Variants in ABCA13 observed in about 807,000 individuals in gnomAD.
ABCA13 encodes the protein ATP binding cassette subfamily A member 13.
ABCA13 carries 476 observed loss-of-function variants against 478.7 expected under a neutral mutation model. The ratio of observed to expected loss-of-function variants is 0.99; its 90% CI spans 0.92 to 1.07. ABCA13 has a LOEUF of 1.07. ABCA13 is among the 50% of genes least tolerant of loss of function. The probability of loss-of-function intolerance (pLI) is 0.00; values close to 1 mark genes in which losing one functional copy is unlikely to be tolerated. For missense variants in ABCA13, 6,060 were observed against 5,910.6 expected (o/e 1.03, Z -0.83); for synonymous variants, 2,252 against 2,158.9 (o/e 1.04, Z -1.20).
intron 55 of ABCA13, among the ~76,000 whole-genome samples, chr7:48,575,366 A>G (rs1788063790): frequency 6.6e-6 from 1 of 152,166 alleles, no homozygotes; most frequent in African/African-American, 2.4e-5. Context: ...TTATGACATA[A>G]GTGTGGAAAC....
chr7:48,377,630 C>T (rs1813710445), intron 35 of ABCA13, among the ~76,000 whole-genome samples: 2 of 152,046 alleles, frequency 1.3e-5, no homozygotes, highest in South Asian at 4.1e-4. Context: ...ATATATGGCC[C>T]TCAAGAGGTA....
At chr7:48,482,379 T>G (rs548815357) in intron 46 of ABCA13, among the ~76,000 whole-genome samples, 7 of 136,322 alleles carry the variant, frequency 5.1e-5, no homozygotes, top group Admixed American at 4.5e-4. Flanking sequence ...TGACCACTAT[T>G]AAGAAATTTT....
intron 58 of ABCA13, among the ~76,000 whole-genome samples, chr7:48,609,999 A>ATATCTTG (rs2131537194): frequency 6.6e-6 from 1 of 152,228 alleles, no homozygotes; most frequent in Admixed American, 6.5e-5. Flanking sequence ...CCCATATCTC[A>ATATCTTG]TGTTTTTCTC....
chr7:48,645,826 T>G lies in ABCA13; in HGVS notation c.*314T>G. On this transcript the variant is annotated 3_prime_UTR_variant, in exon 62 of 62. Coordinates refer to ENST00000435803, the MANE Select transcript of ABCA13 (RefSeq NM_152701.5). ...TGTCCAAACTGAGACATTCTGGAGCTGGAAAGCCTGTCACACTAGAGTGTG... is the reference window on the plus strand; with the variant it reads ...TGTCCAAACTGAGACATTCTGGAGCGGGAAAGCCTGTCACACTAGAGTGTG... 1 of 300,342 alleles carries G rather than the reference T, an allele frequency of 3.3e-6. No individual in the cohort carries two copies. The highest frequency in any genetic ancestry group is 6.2e-6 in the Non-Finnish European group (1 of 160,294). The allele number at this position is 300,342 out of a possible 1,614,324, so 18.6% of individuals were successfully genotyped here. A position where few individuals can be genotyped will look rare whatever the true frequency, so the allele number is the denominator to read the frequency against.
chr7:48,558,643 A>AT (rs113255083), intron 55 of ABCA13, among the ~76,000 whole-genome samples: 21,064 of 151,944 alleles, frequency 0.14, 1,826 homozygotes, highest in African/African-American at 0.23. Context: ...GATTCTTTTG[A>AT]TTTTTTCAAT....
intron 4 of ABCA13, among the ~76,000 whole-genome samples, chr7:48,220,280 G>A (rs1236843756): frequency 1.3e-5 from 2 of 152,032 alleles, no homozygotes; most frequent in East Asian, 1.9e-4. Context: ...TAATAAATGG[G>A]GGCATTCAGT....
In ABCA13 at chr7:48,297,232, G is replaced by A; in HGVS notation, c.9120G>A (p.Met3040Ile). 2 of 1,601,116 alleles carry A rather than the reference G, an allele frequency of 1.2e-6. No individual in the cohort carries two copies. The highest frequency in any genetic ancestry group is 2.3e-5 in the South Asian group (2 of 87,914). The change falls in exon 22 of 62, where the codon ATG (methionine) becomes ATA (isoleucine). Residue 3040 changes from methionine (M) to isoleucine (I), a missense_variant and splice_region_variant. Physicochemically the swap from Met to Ile is conservative, Grantham distance 10. Coordinates refer to ENST00000435803, the MANE Select transcript of ABCA13 (RefSeq NM_152701.5). ...RLETVQQHLY[M>I]LAKSLEETWS... ...TAGCTTTAATTTTCTGCCATTTTAGGTTGGCCAAAAGCCTCGAGGAAACTT... is the reference window on the plus strand; with the variant it reads ...TAGCTTTAATTTTCTGCCATTTTAGATTGGCCAAAAGCCTCGAGGAAACTT...
chr7:48,235,987 T>C (rs1789894214), intron 8 of ABCA13, among the ~76,000 whole-genome samples: 1 of 152,168 alleles, frequency 6.6e-6, no homozygotes, highest in Admixed American at 6.5e-5. Flanking sequence ...TTAAGTTTGG[T>C]TATGTTTTGA....
intron 1 of ABCA13, among the ~76,000 whole-genome samples, chr7:48,187,126 G>T (rs1029151791): frequency 6.7e-6 from 1 of 149,158 alleles, no homozygotes; most frequent in Non-Finnish European, 1.5e-5. Context: ...TTGTTTAAAG[G>T]CCATTTAGCT....
At chr7:48,262,046 C>CTGTG (rs1794255630) in intron 15 of ABCA13, among the ~76,000 whole-genome samples, 1 of 151,854 alleles carries the variant, frequency 6.6e-6, no homozygotes, top group African/African-American at 2.4e-5. Context: ...CTTGAAATAC[C>CTGTG]TGCTAACAAC....
Position 48,615,362 on chromosome 7 carries a change from A to G in ABCA13, c.14822A>G (p.Gln4941Arg). The change falls in exon 59 of 62, where the codon CAG becomes CGG. Residue 4941 changes from glutamine to arginine, a missense_variant. Coordinates refer to ENST00000435803, the MANE Select transcript of ABCA13 (RefSeq NM_152701.5). ...NGSFKCLGSP[Q>R]HIKNRFGDGY... ...AGCTTCAAATGTCTTGGTTCTCCTC[A>G]GCACATCAAAAATAGGTGCGTTGAA... 1 of 1,568,466 alleles carries G rather than the reference A, an allele frequency of 6.4e-7. No individual in the cohort carries two copies. Among genetic ancestry groups the G allele is most frequent in the Non-Finnish European group, 8.7e-7 (1 of 1,155,220 alleles).
intron 35 of ABCA13, among the ~76,000 whole-genome samples, chr7:48,385,817 A>G (rs542898889): frequency 1.3e-5 from 2 of 152,286 alleles, no homozygotes; most frequent in South Asian, 2.1e-4. Flanking sequence ...CCTCACCAGC[A>G]TCTGTTATTT....
rs777139914 is a variant in ABCA13 at position 48,366,158 on chromosome 7, A to AT, written c.10689-1636_10689-1635insT. Among the ~76,000 whole-genome samples the AT allele has an allele frequency of 9.9e-5, 15 of 152,188 alleles. No individual in the cohort carries two copies. In the South Asian group the frequency reaches 2.3e-3, roughly 23 times the overall value. The stretch of plus-strand genomic sequence containing the variant: ...ATTTTATTTATTTCTGCTCTAATAT[A>AT]AAGTCTTTCATCAAAGAAAAGCCCA... On this transcript the variant is annotated intron_variant, in intron 31 of 61. Coordinates refer to ENST00000435803, the MANE Select transcript of ABCA13 (RefSeq NM_152701.5).
intron 48 of ABCA13, among the ~76,000 whole-genome samples, chr7:48,494,373 G>A (rs1178120859): frequency 6.6e-6 from 1 of 152,202 alleles, no homozygotes; most frequent in Admixed American, 6.5e-5. Flanking sequence ...AGCATTGGCT[G>A]TTGGAATTCG....
intron 37 of ABCA13, among the ~76,000 whole-genome samples, chr7:48,390,553 C>A (rs58748074): frequency 6.6e-6 from 1 of 152,110 alleles, no homozygotes; most frequent in East Asian, 1.9e-4. Flanking sequence ...TGGTTAGTGC[C>A]GGAACAAGCA....
At chr7:48,522,156 T>C (rs1012701367) in intron 53 of ABCA13, among the ~76,000 whole-genome samples, 5 of 152,204 alleles carry the variant, frequency 3.3e-5, no homozygotes, top group Non-Finnish European at 7.3e-5. Context: ...GATATGCTAC[T>C]CATAATTGAA....
In ABCA13 at chr7:48,338,278, A is replaced by G. The variant is rs1207307082; in HGVS notation, c.10114-87A>G. 4 of 985,254 alleles carry G rather than the reference A, an allele frequency of 4.1e-6. No individual in the cohort carries two copies. In the East Asian group the frequency reaches 1.2e-4, roughly 29 times the overall value. The allele number at this position is 985,254 out of a possible 1,614,324, so 61.0% of individuals were successfully genotyped here. ...AGTTTATGTGCCTTGTTCCTTTGTA[A>G]TGAAACTTTGAATAAGTCTAATAAG... On this transcript the variant is annotated intron_variant, in intron 28 of 61. Transcript: ENST00000435803.
intron 15 of ABCA13, among the ~76,000 whole-genome samples, chr7:48,252,894 G>A (rs183386857): frequency 1.1e-3 from 163 of 152,218 alleles, no homozygotes; most frequent in African/African-American, 3.9e-3. Context: ...GTTCTCTTGA[G>A]ATTTGGACAC....
At chr7:48,198,585 T>C (rs551086313) in intron 3 of ABCA13, among the ~76,000 whole-genome samples, 8 of 152,356 alleles carry the variant, frequency 5.3e-5, no homozygotes, top group Non-Finnish European at 8.8e-5. Context: ...CACAGAGTAA[T>C]AACTGATTAG....
Sources: gnomAD v4.1 joint callset for allele counts (sites outside exome capture counted in the v4.1 genomes callset) on GRCh38, gnomAD v4.1.1 for gene constraint, MANE v1.5 for transcripts, NCBI Gene and HGNC (gene_info 2026-07-23, HGNC 2026-07-21) for gene names.